Variants in DYNC2I2 observed in about 807,000 individuals in gnomAD.
DYNC2I2 encodes cytoplasmic dynein 2 intermediate chain 2.
Under a neutral mutation model 52.0 loss-of-function variants are expected in DYNC2I2, and 39 were observed. The observed-to-expected ratio is 0.75, with a 90% CI of 0.58 to 0.98. The LOEUF (loss-of-function observed/expected upper bound fraction) is 0.98, where lower values mean the gene tolerates loss of function less well. DYNC2I2 is among the 50% of genes least tolerant of loss of function. DYNC2I2 has a pLI of 0.00. For missense variants in DYNC2I2, 743 were observed against 728.4 expected, an observed-to-expected ratio of 1.02 and a Z score of -0.23; for synonymous variants, 359 against 321.1, an observed-to-expected ratio of 1.12 and a Z score of -1.26.
the DYNC2I2 span, among the ~76,000 whole-genome samples, chr9:128,675,931 G>A: frequency 6.6e-6 from 1 of 152,178 alleles, no homozygotes; most frequent in Admixed American, 6.6e-5. Flanking sequence ...TACCCTGGAG[G>A]CTGAAGCAGG....
the DYNC2I2 span, among the ~76,000 whole-genome samples, chr9:128,668,638 T>C: frequency 2.0e-5 from 3 of 150,142 alleles, no homozygotes; most frequent in Admixed American, 1.3e-4. Context: ...TTGGCCAACA[T>C]GGGGAAATCC....
At position 128,656,710 on chromosome 9, in the gene DYNC2I2, T is replaced by G. The variant is rs1029015173; in HGVS notation, c.17A>C (p.Gln6Pro). 1.3e-5 allele frequency: 18 copies of G among 1,433,288 alleles called. No homozygotes were observed. Among genetic ancestry groups the G allele is most frequent in the Non-Finnish European group, 1.5e-5 (17 of 1,102,468 alleles). The allele number at this position is 1,433,288 out of a possible 1,614,324, so 88.8% of individuals were successfully genotyped here. A position where few individuals can be genotyped will look rare whatever the true frequency, so the allele number is the denominator to read the frequency against. ...TCCCGCCTGGCTGAGTGGCCCCGGCTGCGCGCGGGTTGCCATGGAGACGGT... is the reference window on the plus strand; with the variant it reads ...TCCCGCCTGGCTGAGTGGCCCCGGCGGCGCGCGGGTTGCCATGGAGACGGT... MATRAQPGPLSQAGSA... is the reference protein window; with the variant it reads MATRAPPGPLSQAGSA... The change falls in exon 1 of 9, where the codon CAG (glutamine) becomes CCG (proline). Residue 6 changes from glutamine to proline, a missense_variant. Physicochemically the swap from Gln to Pro is moderately conservative, Grantham distance 76 (BLOSUM62 -1). Transcript: ENST00000372715.
At chr9:128,671,082 A>C in the DYNC2I2 span, among the ~76,000 whole-genome samples, 2 of 151,548 alleles carry the variant, frequency 1.3e-5, no homozygotes, top group East Asian at 3.9e-4. Context: ...AAAAAAAAAA[A>C]AAAGAAACAC....
At chr9:128,640,025 T>TTTTTTTTTG (rs1589431430) in intron 2 of DYNC2I2, among the ~76,000 whole-genome samples, 2 of 148,622 alleles carry the variant, frequency 1.3e-5, no homozygotes, top group African/African-American at 2.5e-5. Flanking sequence ...TTTTTTTTTT[T>TTTTTTTTTG]GAGACAGAGT....
chr9:128,642,830 T>C (rs1860543731), intron 1 of DYNC2I2, among the ~76,000 whole-genome samples: 1 of 151,642 alleles, frequency 6.6e-6, no homozygotes, highest in Admixed American at 6.6e-5. Flanking sequence ...GAAAAGAAAA[T>C]GTGCAAGATT....
In DYNC2I2 at chr9:128,633,868, T is replaced by C. The variant is rs762823170; in HGVS notation, c.1487A>G (p.Gln496Arg). Residue 496 changes from glutamine (Q) to arginine (R), a missense_variant, in exon 9 of 9, where the codon CAG (glutamine) becomes CGG (arginine). Transcript: ENST00000372715. ...CTGGGCATCGCCCGCAGCCAAGAGCTGAGTCTGCTGGCTGTTGAACTCCAG... is the reference window on the plus strand; with the variant it reads ...CTGGGCATCGCCCGCAGCCAAGAGCCGAGTCTGCTGGCTGTTGAACTCCAG... ...YCLEFNSQQT[Q>R]LLAAGDAQGT... 3 of 1,613,594 alleles carry C rather than the reference T, an allele frequency of 1.9e-6. No homozygotes were observed. Among genetic ancestry groups the C allele is most frequent in the Non-Finnish European group, 8.5e-7 (1 of 1,180,046 alleles).
intron 4 of DYNC2I2, 175 bp from the exon 5 acceptor site, chr9:128,635,942 C>G: frequency 1.5e-6 from 1 of 689,622 alleles, no homozygotes; most frequent in South Asian, 1.8e-5. Flanking sequence ...CCCTGTTGTA[C>G]CCCAGGGAGC....
At chr9:128,646,140 T>G (rs1346139812) in intron 1 of DYNC2I2, among the ~76,000 whole-genome samples, 1 of 152,192 alleles carries the variant, frequency 6.6e-6, no homozygotes, top group Non-Finnish European at 1.5e-5. Flanking sequence ...CCGGAGCAAG[T>G]TCTCCAGAAG....
chr9:128,683,743 G>C, the DYNC2I2 span: 5 of 590,130 alleles, frequency 8.5e-6, no homozygotes, highest in Non-Finnish European at 1.2e-5. Flanking sequence ...AGGGGGCCGG[G>C]GTGTGTGTCC....
At chr9:128,664,004 C>T in the DYNC2I2 span, among the ~76,000 whole-genome samples, 1 of 137,966 alleles carries the variant, frequency 7.2e-6, no homozygotes, top group Non-Finnish European at 1.5e-5. Flanking sequence ...CTTGCCCAGG[C>T]TGGAGTGCAA....
rs749265386 is a variant in DYNC2I2, at chr9:128,640,703, C to T, written c.423G>A (p.Glu141=). ...AFDGFEVNWT[E]QQQMVSCLYT... is the part of the protein sequence containing the mutation. ...GCCCATCCCCTACCATCTGCTGCTG[C>T]TCGGTCCAGTTCACCTCGAAGCCAT... Residue 141 remains glutamate, a synonymous_variant, in exon 2 of 9, where the codon GAG becomes GAA. Coordinates refer to ENST00000372715, the MANE Select transcript of DYNC2I2 (RefSeq NM_052844.4). 2.5e-6 allele frequency: 4 copies of T among 1,613,998 alleles called. No homozygotes were observed. Among genetic ancestry groups the T allele is most frequent in the South Asian group, 1.1e-5 (1 of 91,072 alleles).
chr9:128,656,637 CG>C lies in DYNC2I2; in HGVS notation c.89del (p.Pro30ArgfsTer94), dbSNP rs1262464131. 6.7e-7 allele frequency: 1 copy of C among 1,502,072 alleles called. No individual in the cohort carries two copies. The allele number at this position is 1,502,072 out of a possible 1,614,324, so 93.0% of individuals were successfully genotyped here. A position where few individuals can be genotyped will look rare whatever the true frequency, so the allele number is the denominator to read the frequency against. Reference protein sequence around the residue: ...ALATVGVASGPGPGRPGPLQD... With the variant: ...ALATVGVASGXGPGRPGPLQD... The stretch of plus-strand genomic sequence containing the variant: ...GCAGCGGCCCTGGCCGCCCCGGCCC[CG>C]GGCCGCTCGCAACCCCGACTGTCGC... On this transcript the variant is annotated frameshift_variant, in exon 1 of 9. Transcript: ENST00000372715. LOFTEE classifies it high-confidence loss of function.
the DYNC2I2 span, among the ~76,000 whole-genome samples, chr9:128,675,846 A>G: frequency 1.3e-5 from 2 of 152,100 alleles, no homozygotes; most frequent in African/African-American, 4.8e-5. Flanking sequence ...ACAGTTGCCT[A>G]GTAACGCCCC....
chr9:128,677,521 G>T, the DYNC2I2 span, among the ~76,000 whole-genome samples: 1 of 151,840 alleles, frequency 6.6e-6, no homozygotes, highest in Admixed American at 6.6e-5. Context: ...CACAGGCTAG[G>T]CACAGTGGCT....
chr9:128,669,294 A>C, the DYNC2I2 span, among the ~76,000 whole-genome samples: 68 of 152,034 alleles, frequency 4.5e-4, no homozygotes, highest in African/African-American at 1.3e-3. Flanking sequence ...GAACCTGGGA[A>C]GTGTAGCTTG....
chr9:128,645,049 T>C (rs1239304698), intron 1 of DYNC2I2, among the ~76,000 whole-genome samples: 1 of 151,962 alleles, frequency 6.6e-6, no homozygotes, highest in Non-Finnish European at 1.5e-5. Flanking sequence ...GACAAGACAA[T>C]ATTGAAAGTA....
chr9:128,683,082 C>A, the DYNC2I2 span, among the ~76,000 whole-genome samples: 3 of 151,338 alleles, frequency 2.0e-5, no homozygotes, highest in Non-Finnish European at 4.4e-5. Context: ...GCAACCTCCA[C>A]CTCCCAGGTT....
Position 128,640,872 on chromosome 9 carries a change from G to A in DYNC2I2, c.254C>T (p.Ala85Val). 4.3e-6 allele frequency: 7 copies of A among 1,613,608 alleles called. No homozygotes were observed. The highest frequency in any genetic ancestry group is 5.1e-6 in the Non-Finnish European group (6 of 1,179,758). ...CACGGGGGCCTCCGTCTGCACCTGG[G>A]CGTCCACATGATTCCTGGCCTGGGC... ...ASAQARNHVD[A>V]QVQTEAPVPV... Residue 85 changes from alanine (A) to valine (V), a missense_variant, in exon 2 of 9, where the codon GCC becomes GTC. Physicochemically the swap from Ala to Val is moderately conservative, Grantham distance 64. Transcript: ENST00000372715.
At chr9:128,642,626 C>CCT (rs1406166700) in intron 1 of DYNC2I2, among the ~76,000 whole-genome samples, 1 of 151,716 alleles carries the variant, frequency 6.6e-6, no homozygotes, top group African/African-American at 2.4e-5. Flanking sequence ...AAAAAATTAG[C>CCT]CGGGCATGGT....
Sources: gnomAD v4.1 joint callset for allele counts (sites outside exome capture counted in the v4.1 genomes callset) on GRCh38, gnomAD v4.1.1 for gene constraint, MANE v1.5 for transcripts, NCBI Gene and HGNC (gene_info 2026-07-23, HGNC 2026-07-21) for gene names.